TMEM184A: variants seen among roughly 807,000 people sequenced by gnomAD.
TMEM184A encodes the protein sexually dimorphic, expressed in male gonads 1.
In TMEM184A, 40 loss-of-function variants were observed where a neutral mutation model predicts 39.5. That is an observed-to-expected ratio of 1.01 (90% CI 0.79 to 1.32). TMEM184A has a LOEUF of 1.32. TMEM184A is among the 40% of genes most tolerant of loss of function. TMEM184A has a pLI of 0.00. For missense variants in TMEM184A, 603 were observed against 568.8 expected (o/e 1.06, Z -0.61); for synonymous variants, 280 against 252.3 (o/e 1.11, Z -1.04).
chr7:1,550,541 C>T, intron 3 of TMEM184A, 146 bp from the exon 4 acceptor site: 1 of 764,930 alleles, frequency 1.3e-6, no homozygotes, highest in African/African-American at 1.8e-5. Context: ...GACCCCATCC[C>T]CAGCGGGGCA....
chr7:1,549,029 G>A (rs1368962250), intron 6 of TMEM184A: 2 of 524,600 alleles, frequency 3.8e-6, no homozygotes, highest in Admixed American at 2.3e-5. Context: ...CCTGGCCACT[G>A]CCTGAAGATC....
intron 2 of TMEM184A, among the ~76,000 whole-genome samples, chr7:1,554,641 C>T (rs1165209277): frequency 6.6e-6 from 1 of 152,256 alleles, no homozygotes; most frequent in Non-Finnish European, 1.5e-5. Flanking sequence ...TCCTCCTTGC[C>T]CCTGCCTGGC....
chr7:1,553,309 T>C (rs558901727), intron 2 of TMEM184A, among the ~76,000 whole-genome samples: 1 of 152,050 alleles, frequency 6.6e-6, no homozygotes, highest in East Asian at 2.0e-4. Context: ...CGCACCACCA[T>C]GCCCGGCTAA....
intron 6 of TMEM184A, chr7:1,548,922 C>G (rs1026092921): frequency 1.5e-6 from 1 of 667,592 alleles, no homozygotes; most frequent in Non-Finnish European, 2.7e-6. Flanking sequence ...GGCCGTTCTC[C>G]CTACCGGCCC....
intron 4 of TMEM184A, 44 bp from the exon 5 acceptor site, chr7:1,550,242 G>A (rs373648215): frequency 1.6e-4 from 253 of 1,604,984 alleles, no homozygotes; most frequent in Non-Finnish European, 2.1e-4. Context: ...ATGCAGCCCC[G>A]GCGCCGCCGG....
rs1430827753 is a variant in TMEM184A, at chr7:1,544,292, T to C, written c.*2660A>G. 1 of 152,288 alleles carries C rather than the reference T, an allele frequency of 6.6e-6. No homozygotes were observed. Among genetic ancestry groups the C allele is most frequent in the Non-Finnish European group, 1.5e-5 (1 of 68,082 alleles). The allele number at this position is 152,288 out of a possible 1,614,324, so 9.4% of individuals were successfully genotyped here. On this transcript the variant is annotated 3_prime_UTR_variant, in exon 9 of 9. Transcript: ENST00000297477. ...AAGGAGACACCGCCCCGCCCGGCCA[T>C]GCAGCCTGCACCCGGGCCAGGCCAG... is the stretch of plus-strand genomic sequence containing the variant.
chr7:1,548,367 C>G (rs749488313), intron 7 of TMEM184A, 152 bp downstream of exon 7: 27 of 932,396 alleles, frequency 2.9e-5, no homozygotes, highest in Non-Finnish European at 4.1e-5. Context: ...CCCTCATGCC[C>G]GCAGGTTCTA....
chr7:1,550,876 A>T lies in TMEM184A; in HGVS notation c.326T>A (p.Leu109His). ...GTAGTACTGGTGGTCTCCGAGGAGG[A>T]GGAGGCTGAGCCAGGAGTCGAAGGC... ...IYAFDSWLSL[L>H]LLGDHQYYVY... Residue 109 changes from leucine (L) to histidine (H), a missense_variant, in exon 3 of 9, where the codon CTC becomes CAC. Physicochemically the swap from Leu to His is moderately conservative, Grantham distance 99 (BLOSUM62 -3). Transcript: ENST00000297477. The T allele has an allele frequency of 6.2e-7, 1 of 1,613,718 alleles. No homozygotes were observed. Among genetic ancestry groups the T allele is most frequent in the Non-Finnish European group, 8.5e-7 (1 of 1,179,970 alleles).
At position 1,548,696 on chromosome 7, in the gene TMEM184A, A is replaced by G. The variant is rs1329303413; in HGVS notation, c.645-8T>C. ...AGGTAGCCGCTGCGGACACTAGGAC[A>G]GACGGGGGCTGTGGTCAGGGCGGTC... is the stretch of plus-strand genomic sequence containing the variant. On this transcript the variant is annotated splice_region_variant and splice_polypyrimidine_tract_variant and intron_variant, in intron 6 of 8. Transcript: ENST00000297477. The G allele has an allele frequency of 4.3e-6, 7 of 1,612,246 alleles. No homozygotes were observed. Among genetic ancestry groups the G allele is most frequent in the Non-Finnish European group, 5.9e-6 (7 of 1,179,468 alleles).
chr7:1,547,036 G>T lies in TMEM184A; in HGVS notation c.1158C>A (p.Gly386=), dbSNP rs1296411697. 1 of 1,606,488 alleles carries T rather than the reference G, an allele frequency of 6.2e-7. No individual in the cohort carries two copies. ...QQATHEAPRP[G]THPSGGSGGS... ...CGCCGGAGCCGCCGCTGGGGTGGGT[G>T]CCGGGCCTGGGCGCCTCGTGCGTGG... The change falls in exon 9 of 9, where the codon GGC becomes GGA. Residue 386 remains glycine, a synonymous_variant. Coordinates refer to ENST00000297477, the MANE Select transcript of TMEM184A (RefSeq NM_001097620.2).
rs1784565194 is a variant in TMEM184A, at chr7:1,550,914, G to A, written c.288C>T (p.Ile96=). Residue 96 remains isoleucine, a synonymous_variant, in exon 3 of 9, where the codon ATC becomes ATT. Transcript: ENST00000297477. Reference sequence around the variant, plus strand: ...AGGAGTCGAAGGCGTAGATGGGCACGATGAGGAGCAGGCGGATGATGTAAC... The same window carrying A: ...AGGAGTCGAAGGCGTAGATGGGCACAATGAGGAGCAGGCGGATGATGTAAC... ...EQRYIIRLLL[I]VPIYAFDSWL... is the part of the protein sequence containing the mutation. 5.6e-6 allele frequency: 9 copies of A among 1,613,722 alleles called. No individual in the cohort carries two copies. The highest frequency in any genetic ancestry group is 3.3e-5 in the Admixed American group (2 of 59,992).
chr7:1,555,829 C>T lies in TMEM184A; in HGVS notation c.-1+285G>A, dbSNP rs190057760. On this transcript the variant is annotated intron_variant, in intron 1 of 8. Transcript: ENST00000297477. The surrounding 1 kb of genome is among the most constrained non-coding windows in gnomAD (Gnocchi z 5.2). ...GGGGCAGAAGAGGGGGAACCCCTGC[C>T]GCCCTGCCTGCCCGGGAGGGCTGGG... The T allele has an allele frequency of 3.5e-3, 1,209 of 341,334 alleles. 5 individuals are homozygous for T. Among genetic ancestry groups the T allele is most frequent in the Non-Finnish European group, 5.1e-3 (929 of 183,408 alleles). The allele number at this position is 341,334 out of a possible 1,614,324, so 21.1% of individuals were successfully genotyped here. A position where few individuals can be genotyped will look rare whatever the true frequency, so the allele number is the denominator to read the frequency against.
chr7:1,549,350 A>C (rs1583216833), intron 6 of TMEM184A: 1 of 401,894 alleles, frequency 2.5e-6, no homozygotes, highest in Non-Finnish European at 5.1e-6. Flanking sequence ...AGCTGTGTGG[A>C]CCTTCGCAGG....
At chr7:1,550,552 G>T (rs1784549668) in intron 3 of TMEM184A, among the ~76,000 whole-genome samples, 157 bp from the exon 4 acceptor site, 1 of 152,152 alleles carries the variant, frequency 6.6e-6, no homozygotes, top group Admixed American at 6.5e-5. Flanking sequence ...CAGCGGGGCA[G>T]CCTGAGAGGG....
Position 1,548,776 on chromosome 7 carries a change from T to C in TMEM184A, c.645-88A>G, listed in dbSNP as rs1211856167. ...AGCCACCGCCGCTGCACCCTCAGCCTGGTCCCCACCCTGAGCTTGGGAGCA... is the reference window on the plus strand; with the variant it reads ...AGCCACCGCCGCTGCACCCTCAGCCCGGTCCCCACCCTGAGCTTGGGAGCA... On this transcript the variant is annotated intron_variant, in intron 6 of 8. Coordinates refer to ENST00000297477, the MANE Select transcript of TMEM184A (RefSeq NM_001097620.2). The C allele has an allele frequency of 2.0e-6, 3 of 1,472,746 alleles. No individual in the cohort carries two copies. The African/African-American group carries it at 4.2e-5, about 21-fold the overall frequency. The allele number at this position is 1,472,746 out of a possible 1,614,324, so 91.2% of individuals were successfully genotyped here. A position where few individuals can be genotyped will look rare whatever the true frequency, so the allele number is the denominator to read the frequency against.
intron 2 of TMEM184A, among the ~76,000 whole-genome samples, chr7:1,551,232 T>C (rs867101880): frequency 1.5e-5 from 2 of 129,494 alleles, no homozygotes; most frequent in African/African-American, 5.8e-5. Flanking sequence ...CCGGTACCCC[T>C]GCACCAGCCC....
In TMEM184A at chr7:1,546,982, C is replaced by A. The variant is rs1452612227; in HGVS notation, c.1212G>T (p.Lys404Asn). 6.3e-6 allele frequency: 10 copies of A among 1,594,318 alleles called. No homozygotes were observed. The highest frequency in any genetic ancestry group is 1.7e-5 in the Admixed American group (1 of 58,826). ...GGSRKSRSLE[K>N]RMLIPSEDL Reference sequence around the variant, plus strand: ...GGTCCTCCGAGGGGATCAGCATCCGCTTCTCCAGGCTCCGGCTCTTCCTGC... The same window carrying A: ...GGTCCTCCGAGGGGATCAGCATCCGATTCTCCAGGCTCCGGCTCTTCCTGC... The change falls in exon 9 of 9, where the codon AAG (lysine) becomes AAT (asparagine). Residue 404 changes from lysine (K) to asparagine (N), a missense_variant. Lys to Asn is a moderately conservative substitution (Grantham distance 94). Coordinates refer to ENST00000297477, the MANE Select transcript of TMEM184A (RefSeq NM_001097620.2).
chr7:1,550,019 G>A (rs1406930939), intron 5 of TMEM184A, 74 bp from the exon 6 acceptor site: 6 of 1,551,512 alleles, frequency 3.9e-6, no homozygotes, highest in Non-Finnish European at 5.3e-6. Context: ...GGGGCAGCCA[G>A]CAATGAGCAG....
chr7:1,553,907 C>T (rs1778440759), intron 2 of TMEM184A, among the ~76,000 whole-genome samples: 1 of 152,066 alleles, frequency 6.6e-6, no homozygotes, highest in Non-Finnish European at 1.5e-5. Context: ...AACTCCAGCC[C>T]AAGGGGTCTC....
Sources: allele counts gnomAD v4.1 joint callset (sites outside exome capture counted in the v4.1 genomes callset), GRCh38; gene constraint gnomAD v4.1.1; non-coding constraint Gnocchi (gnomAD v3.1); transcripts MANE v1.5; gene names NCBI Gene and HGNC (gene_info 2026-07-23, HGNC 2026-07-21).